FBXO11: variants seen among roughly 807,000 people sequenced by gnomAD.
FBXO11 encodes F-box protein 11.
FBXO11 carries 13 observed loss-of-function variants against 117.0 expected under a neutral mutation model. The observed-to-expected ratio is 0.11, with a 90% CI of 0.07 to 0.18. FBXO11 has a LOEUF of 0.18. Ranked by LOEUF, FBXO11 falls within the 10% of genes least tolerant of loss-of-function variation. The pLI, the probability that FBXO11 is intolerant of heterozygous loss-of-function variation, is 1.00. For synonymous variants in FBXO11, 490 were observed against 380.5 expected, an observed-to-expected ratio of 1.29 and a Z score of -3.35; for missense variants, 767 against 1,164.4, an observed-to-expected ratio of 0.66 and a Z score of 4.97.
chr2:47,810,002 T>G, intron 19 of FBXO11: 1 of 492,244 alleles, frequency 2.0e-6, no homozygotes, highest in Non-Finnish European at 3.6e-6. Context: ...GTTGCAGATT[T>G]AAACTGGTAA....
intron 11 of FBXO11, among the ~76,000 whole-genome samples, chr2:47,823,999 C>T (rs1384609541): frequency 6.6e-6 from 1 of 151,972 alleles, no homozygotes; most frequent in Non-Finnish European, 1.5e-5. Context: ...CCATGCCTGG[C>T]TAATGACTTA....
At chr2:47,873,965 AG>A (rs1222989026) in intron 1 of FBXO11, among the ~76,000 whole-genome samples, 5 of 152,072 alleles carry the variant, frequency 3.3e-5, no homozygotes, top group East Asian at 1.9e-4. Context: ...CTGTAATCCC[AG>A]CCCTTTGGGA....
chr2:47,815,314 C>G (rs551312243), intron 16 of FBXO11, among the ~76,000 whole-genome samples: 1 of 152,206 alleles, frequency 6.6e-6, no homozygotes, highest in African/African-American at 2.4e-5. Context: ...CCTGGGTATC[C>G]CCCTCGGGAA....
intron 1 of FBXO11, among the ~76,000 whole-genome samples, chr2:47,874,189 G>T (rs572957833): frequency 1.3e-5 from 2 of 151,984 alleles, no homozygotes; most frequent in African/African-American, 4.8e-5. Flanking sequence ...ACTCCAGTCC[G>T]GACGATAGTG....
intron 1 of FBXO11, among the ~76,000 whole-genome samples, chr2:47,862,693 T>G (rs1175207292): frequency 6.6e-6 from 1 of 152,140 alleles, no homozygotes; most frequent in Non-Finnish European, 1.5e-5. Context: ...ACAGTACAAG[T>G]ACATAAATGC....
chr2:47,880,144 T>C (rs1438952231), intron 1 of FBXO11, among the ~76,000 whole-genome samples: 1 of 152,218 alleles, frequency 6.6e-6, no homozygotes, highest in South Asian at 2.1e-4. Context: ...CACAGGCACA[T>C]GCCATCATGT....
At chr2:47,853,631 A>G (rs1235035680) in intron 1 of FBXO11, among the ~76,000 whole-genome samples, 1 of 152,164 alleles carries the variant, frequency 6.6e-6, no homozygotes, top group African/African-American at 2.4e-5. Flanking sequence ...CTTTAACTTA[A>G]GCTCCTCAAC....
At chr2:47,890,478 T>C (rs1677175308) in intron 1 of FBXO11, among the ~76,000 whole-genome samples, 1 of 152,128 alleles carries the variant, frequency 6.6e-6, no homozygotes. Context: ...GTATCATCAA[T>C]CAAGTAGTAT....
intron 1 of FBXO11, among the ~76,000 whole-genome samples, chr2:47,895,107 A>G (rs569410233): frequency 4.6e-5 from 7 of 152,320 alleles, no homozygotes; most frequent in South Asian, 2.1e-4. Context: ...AATATCAGCA[A>G]TGATATATGC....
At chr2:47,864,099 G>A (rs543122683) in intron 1 of FBXO11, among the ~76,000 whole-genome samples, 1 of 152,188 alleles carries the variant, frequency 6.6e-6, no homozygotes, top group Non-Finnish European at 1.5e-5. Flanking sequence ...ATTTGGTCAT[G>A]TTTACAAAGG....
At chr2:47,808,688 C>G in intron 21 of FBXO11, 1 of 369,380 alleles carries the variant, frequency 2.7e-6, no homozygotes, top group Non-Finnish European at 4.8e-6. Flanking sequence ...TCAAATGTTT[C>G]TGGGCTGAAA....
intron 1 of FBXO11, among the ~76,000 whole-genome samples, chr2:47,902,156 G>T (rs571708156): frequency 6.6e-6 from 1 of 152,060 alleles, no homozygotes. Context: ...GGCTGGTCTT[G>T]AACTCCTGAC....
Position 47,807,684 on chromosome 2 carries a change from A to C in FBXO11, c.*434T>G. 1 of 230,074 alleles carries C rather than the reference A, an allele frequency of 4.3e-6. No individual in the cohort carries two copies. The allele number at this position is 230,074 out of a possible 1,614,324, so 14.3% of individuals were successfully genotyped here. The stretch of plus-strand genomic sequence containing the variant: ...ATACATGTTAAAAAAAAAAAATCAA[A>C]AGGAACGCAGAAGTGCTAGCTCACA... On this transcript the variant is annotated 3_prime_UTR_variant, in exon 23 of 23. Transcript: ENST00000403359.
chr2:47,890,163 T>G (rs1324544742), intron 1 of FBXO11, among the ~76,000 whole-genome samples: 2 of 152,106 alleles, frequency 1.3e-5, no homozygotes, highest in African/African-American at 4.8e-5. Context: ...AGACAGGGTC[T>G]CAGTATGTTG....
intron 1 of FBXO11, among the ~76,000 whole-genome samples, chr2:47,854,148 A>G (rs1674091058): frequency 6.6e-6 from 1 of 152,236 alleles, no homozygotes; most frequent in Admixed American, 6.5e-5. Flanking sequence ...GAATAAAGAA[A>G]AAACACACAA....
Position 47,809,153 on chromosome 2 carries a change from G to A in FBXO11, c.2555+5C>T, listed in dbSNP as rs368811481. On this transcript the variant is annotated splice_donor_5th_base_variant and intron_variant, in intron 21 of 22. Coordinates refer to ENST00000403359, the MANE Select transcript of FBXO11 (RefSeq NM_001190274.2). ...TTTCAGGACTCAAATATATTTCTAA[G>A]TTACCTGTAGAAATCATGCATGGGA... The A allele has an allele frequency of 3.1e-5, 47 of 1,498,728 alleles. No individual in the cohort carries two copies. Among genetic ancestry groups the A allele is most frequent in the Non-Finnish European group, 3.8e-5 (41 of 1,090,436 alleles). The allele number at this position is 1,498,728 out of a possible 1,614,324, so 92.8% of individuals were successfully genotyped here.
intron 16 of FBXO11, among the ~76,000 whole-genome samples, chr2:47,817,990 A>G (rs963178938): frequency 6.6e-6 from 1 of 152,202 alleles, no homozygotes; most frequent in African/African-American, 2.4e-5. Context: ...TCTACTAAAA[A>G]TACAAAGTCA....
At chr2:47,859,070 A>T (rs1217677540) in intron 1 of FBXO11, among the ~76,000 whole-genome samples, 1 of 151,728 alleles carries the variant, frequency 6.6e-6, no homozygotes, top group Non-Finnish European at 1.5e-5. Flanking sequence ...AAAAGAAAAG[A>T]AAAGAAAAAG....
intron 1 of FBXO11, 69 bp downstream of exon 1, chr2:47,905,420 C>T: frequency 5.2e-6 from 6 of 1,160,010 alleles, no homozygotes; most frequent in Non-Finnish European, 6.4e-6. Flanking sequence ...GCCCGCCCGC[C>T]CGCCCGCCCC....
Sources: allele counts gnomAD v4.1 joint callset (sites outside exome capture counted in the v4.1 genomes callset), GRCh38; gene constraint gnomAD v4.1.1; transcripts MANE v1.5; gene names NCBI Gene and HGNC (gene_info 2026-07-23, HGNC 2026-07-21).